The following LTN1 variants were observed in gnomAD, a reference collection of about 807,000 sequenced individuals.
LTN1 encodes listerin E3 ubiquitin protein ligase 1.
A neutral mutation model predicts 201.2 loss-of-function variants in LTN1; 88 were observed. The ratio of observed to expected loss-of-function variants is 0.44; its 90% confidence interval spans 0.37 to 0.52. The LOEUF (loss-of-function observed/expected upper bound fraction) is 0.52, where lower values mean the gene tolerates loss of function less well. Ranked by LOEUF, LTN1 falls within the 20% of genes least tolerant of loss-of-function variation. The pLI is 0.00. For synonymous variants in LTN1, 645 were observed against 713.5 expected (o/e 0.90, Z 1.53); for missense variants, 1,752 against 2,038.7 (o/e 0.86, Z 2.71).
chr21:28,931,139 T>C lies in LTN1; in HGVS notation c.5238+16A>G. ...ATACATAAAATATAAGTAAGTTAAT[T>C]TCTCTTTAGACTTACCAAGCAGGCT... is the stretch of plus-strand genomic sequence containing the variant. On this transcript the variant is annotated intron_variant, in intron 29 of 29. Coordinates refer to ENST00000361371, the MANE Select transcript of LTN1 (RefSeq NM_015565.3). 6.4e-7 allele frequency: 1 copy of C among 1,566,174 alleles called. No homozygotes were observed. Among genetic ancestry groups the C allele is most frequent in the Middle Eastern group, 1.7e-4 (1 of 5,912 alleles).
At chr21:28,969,723 A>C in intron 8 of LTN1, 122 bp from the exon 9 acceptor site, 1 of 578,434 alleles carries the variant, frequency 1.7e-6, no homozygotes, top group Admixed American at 3.5e-5. Context: ...GCAGTTTCTT[A>C]AACTACAAAT....
intron 6 of LTN1, 149 bp from the exon 7 acceptor site, chr21:28,971,593 GAA>G: frequency 1.5e-6 from 1 of 676,272 alleles, no homozygotes; most frequent in Non-Finnish European, 2.4e-6. Flanking sequence ...CTTAGAGTAT[GAA>G]ATGGCTGAAA....
chr21:28,969,667 A>C (rs2084557288), intron 8 of LTN1, 66 bp from the exon 9 acceptor site: 5 of 1,268,482 alleles, frequency 3.9e-6, no homozygotes, highest in Non-Finnish European at 5.4e-6. Flanking sequence ...GAATTATCAA[A>C]ATAAAGACCT....
rs753420586 is a variant in LTN1, at chr21:28,943,735, A to C, written c.4152T>G (p.Asn1384Lys). The change falls in exon 23 of 30, where the codon AAT becomes AAG. Residue 1384 changes from asparagine (N) to lysine (K), a missense_variant. By Grantham distance (94) the Asn-to-Lys change is moderately conservative. Coordinates refer to ENST00000361371, the MANE Select transcript of LTN1 (RefSeq NM_015565.3). The part of the protein sequence containing the change: ...NLPEYLQTLL[N>K]TLAPLLLFRA... Reference sequence around the variant, plus strand: ...TGAAGAGGAGTAATGGGGCCAATGTATTTAACAAAGTCTGGAGATATTCTG... The same window carrying C: ...TGAAGAGGAGTAATGGGGCCAATGTCTTTAACAAAGTCTGGAGATATTCTG... The C allele has an allele frequency of 3.1e-6, 5 of 1,613,914 alleles. No homozygotes were observed. The Admixed American group carries it at 8.3e-5, about 27-fold the overall frequency.
intron 29 of LTN1, among the ~76,000 whole-genome samples, 198 bp downstream of exon 29, chr21:28,930,957 A>T (rs2084205590): frequency 6.6e-6 from 1 of 152,140 alleles, no homozygotes; most frequent in African/African-American, 2.4e-5. Context: ...GTCTCAGTAA[A>T]CTGCTAATTA....
Position 28,992,686 on chromosome 21 carries a change from A to C in LTN1, c.42+78T>G, listed in dbSNP as rs944483354. ...GCCTCCCTACAGCCGCGCTCCACAC[A>C]CCCTCCAGCAACGCGCTGGGCGGAG... On this transcript the variant is annotated intron_variant, in intron 1 of 29. Transcript: ENST00000361371. 2.6e-6 allele frequency: 4 copies of C among 1,547,488 alleles called. No individual in the cohort carries two copies. The African/African-American group carries it at 5.4e-5, about 21-fold the overall frequency.
intron 6 of LTN1, among the ~76,000 whole-genome samples, chr21:28,977,311 T>A (rs1444082009): frequency 7.0e-6 from 1 of 143,790 alleles, no homozygotes; most frequent in African/African-American, 2.6e-5. Context: ...GAGGTGGAGG[T>A]TGCAGTGAGC....
At chr21:28,968,900 C>A (rs1276705213) in intron 9 of LTN1, among the ~76,000 whole-genome samples, 1 of 151,678 alleles carries the variant, frequency 6.6e-6, no homozygotes, top group African/African-American at 2.4e-5. Context: ...AGCCACGACG[C>A]CCAGCCTGCA....
At chr21:28,983,930 A>G (rs2084677439) in intron 4 of LTN1, among the ~76,000 whole-genome samples, 1 of 152,228 alleles carries the variant, frequency 6.6e-6, no homozygotes, top group African/African-American at 2.4e-5. Flanking sequence ...AGGGGGAAGA[A>G]ATGAGACACT....
Position 28,984,773 on chromosome 21 carries a change from T to G in LTN1, c.495A>C (p.Ala165=). Residue 165 remains alanine, a synonymous_variant, in exon 4 of 30, where the codon GCA becomes GCC. Transcript: ENST00000361371. The stretch of plus-strand genomic sequence containing the variant: ...AAGCCGCTTCAAATGCATCTTTTGC[T>G]GCAAACGCAGCTGGTGTGTAAGTAT... ...QCDTYTPAAF[A]AKDAFEAAFP... 1 of 1,614,242 alleles carries G rather than the reference T, an allele frequency of 6.2e-7. No homozygotes were observed. Among genetic ancestry groups the G allele is most frequent in the Non-Finnish European group, 8.5e-7 (1 of 1,180,030 alleles).
chr21:28,944,496 G>C lies in LTN1; in HGVS notation c.3869C>G (p.Ser1290Cys). The C allele has an allele frequency of 6.2e-7, 1 of 1,613,922 alleles. No homozygotes were observed. Among genetic ancestry groups the C allele is most frequent in the Non-Finnish European group, 8.5e-7 (1 of 1,179,872 alleles). The change falls in exon 22 of 30, where the codon TCC becomes TGC. Residue 1290 changes from serine to cysteine, a missense_variant. Ser to Cys is a moderately radical substitution (Grantham distance 112). This residue lies in a region of LTN1 where 1,211 missense variants were observed against 1,312.8 expected (regional missense o/e 0.92). Coordinates refer to ENST00000361371, the MANE Select transcript of LTN1 (RefSeq NM_015565.3). ...ATTGCCAATGGTATCCAGAGTTGTG[G>C]AATCAAAGAAAGCACTGAGGTCACA... is the stretch of plus-strand genomic sequence containing the variant. Reference protein sequence around the residue: ...LACDLSAFFDSTTLDTIGNLP... With the variant: ...LACDLSAFFDCTTLDTIGNLP...
chr21:28,941,165 A>G (rs2084294150), intron 25 of LTN1, 55 bp downstream of exon 25: 2 of 1,180,954 alleles, frequency 1.7e-6, no homozygotes, highest in East Asian at 4.8e-5. Flanking sequence ...TATTTAGAAC[A>G]GTATCAGAAG....
intron 4 of LTN1, 87 bp from the exon 5 acceptor site, chr21:28,982,455 T>C: frequency 1.0e-6 from 1 of 989,132 alleles, no homozygotes; most frequent in Non-Finnish European, 1.6e-6. Flanking sequence ...AAATCCACTT[T>C]TTAAAAATCC....
intron 16 of LTN1, among the ~76,000 whole-genome samples, chr21:28,953,635 G>C (rs774257504): frequency 6.6e-5 from 10 of 152,130 alleles, no homozygotes; most frequent in Non-Finnish European, 1.3e-4. Flanking sequence ...AAGAACCTAA[G>C]TTACTAGAGA....
intron 24 of LTN1, among the ~76,000 whole-genome samples, chr21:28,942,425 A>G (rs1001567613): frequency 5.3e-5 from 8 of 152,056 alleles, no homozygotes; most frequent in Non-Finnish European, 2.9e-5. Flanking sequence ...AATCCCCCCA[A>G]AAAAGTCATT....
At chr21:28,963,108 G>A (rs1318335378) in intron 11 of LTN1, among the ~76,000 whole-genome samples, 1 of 152,224 alleles carries the variant, frequency 6.6e-6, no homozygotes, top group African/African-American at 2.4e-5. Flanking sequence ...AGCAGCAAGT[G>A]CTGATGTAGA....
intron 18 of LTN1, among the ~76,000 whole-genome samples, chr21:28,948,260 T>C (rs570218593): frequency 1.9e-3 from 288 of 150,112 alleles, no homozygotes; most frequent in African/African-American, 3.9e-3. Context: ...GTGTGTCCTT[T>C]CTTTTCTTTC....
At chr21:28,964,716 G>A in intron 11 of LTN1, 1 of 1,550,422 alleles carries the variant, frequency 6.4e-7, no homozygotes, top group Non-Finnish European at 8.7e-7. Context: ...TCAGGAAGAG[G>A]ATTTTCTTCC....
intron 11 of LTN1, among the ~76,000 whole-genome samples, chr21:28,963,736 C>T (rs1463332878): frequency 6.6e-6 from 1 of 152,188 alleles, no homozygotes; most frequent in Non-Finnish European, 1.5e-5. Flanking sequence ...TGGATCTGGG[C>T]AAAGTCCACT....
Sources: gnomAD v4.1 joint callset for allele counts (sites outside exome capture counted in the v4.1 genomes callset) on GRCh38, gnomAD v4.1.1 for gene constraint, gnomAD v4.1.1 regional missense constraint, MANE v1.5 for transcripts, NCBI Gene and HGNC (gene_info 2026-07-23, HGNC 2026-07-21) for gene names.